The following SPECC1 variants were observed in gnomAD, a reference collection of about 807,000 sequenced individuals.
SPECC1 encodes the protein cytospin-B.
In SPECC1, 62 loss-of-function variants were observed where a neutral mutation model predicts 104.1. That is an observed-to-expected ratio of 0.60 (90% CI 0.49 to 0.74). The LOEUF (loss-of-function observed/expected upper bound fraction) is 0.74, where lower values mean the gene tolerates loss of function less well. Ranked by LOEUF, SPECC1 falls within the 30% of genes least tolerant of loss-of-function variation. SPECC1 has a pLI of 0.00. For synonymous variants in SPECC1, 513 were observed against 501.6 expected (o/e 1.02, Z -0.30); for missense variants, 1,306 against 1,310.5 (o/e 1.00, Z 0.05).
chr17:20,135,548 C>A (rs1238526020), intron 3 of SPECC1, among the ~76,000 whole-genome samples: 1 of 152,084 alleles, frequency 6.6e-6, no homozygotes, highest in Non-Finnish European at 1.5e-5. Flanking sequence ...ACCTCCTGGT[C>A]CCAAGTGATC....
intron 7 of SPECC1, chr17:20,239,458 A>T (rs1385119680): frequency 2.3e-5 from 5 of 218,188 alleles, no homozygotes; most frequent in Non-Finnish European, 4.0e-5. Flanking sequence ...TTATCATATC[A>T]TAGGCATCCT....
intron 3 of SPECC1, among the ~76,000 whole-genome samples, chr17:20,142,147 C>A (rs922872068): frequency 6.6e-6 from 1 of 152,098 alleles, no homozygotes; most frequent in African/African-American, 2.4e-5. Context: ...CAGCATAGTG[C>A]GTGTAAAGTC....
At chr17:20,292,602 C>G (rs1309830230) in intron 12 of SPECC1, among the ~76,000 whole-genome samples, 4 of 152,134 alleles carry the variant, frequency 2.6e-5, no homozygotes, top group South Asian at 2.1e-4. Flanking sequence ...ACCTACAAAC[C>G]TCTTCAGAAA....
chr17:20,265,589 T>C (rs1205812431), intron 12 of SPECC1, among the ~76,000 whole-genome samples: 2 of 152,184 alleles, frequency 1.3e-5, no homozygotes, highest in Admixed American at 1.3e-4. Flanking sequence ...AGGAACTCTT[T>C]AGTTTAGTTA....
At chr17:20,126,368 T>G (rs1348802966) in intron 3 of SPECC1, 1 of 152,192 alleles carries the variant, frequency 6.6e-6, no homozygotes, top group African/African-American at 2.4e-5. Flanking sequence ...CTTTATTCAT[T>G]GTACTTTGTT....
chr17:20,302,588 A>C (rs74255390), intron 13 of SPECC1, among the ~76,000 whole-genome samples: 1 of 151,612 alleles, frequency 6.6e-6, no homozygotes, highest in Non-Finnish European at 1.5e-5. Flanking sequence ...TCTGTATTCT[A>C]TGTCACCCTG....
intron 13 of SPECC1, among the ~76,000 whole-genome samples, chr17:20,302,080 C>T (rs1452967352): frequency 1.3e-5 from 2 of 152,228 alleles, no homozygotes; most frequent in Admixed American, 6.5e-5. Flanking sequence ...CTGCTTAGTC[C>T]AGACGGACTC....
rs970534287 is a variant in SPECC1 at position 20,154,562 on chromosome 17, G to A, written c.283+44000G>A. On this transcript the variant is annotated intron_variant, in intron 3 of 14. Transcript: ENST00000395527. ...TGAGTTCACTGATGGGGGAAGAGGA[G>A]GATTATTCAGGGCCTTGGAGGCCAT... 4.0e-4 allele frequency among the ~76,000 whole-genome samples: 61 copies of A among 152,164 alleles called. 1 individual carries two copies. The highest frequency in any genetic ancestry group is 1.5e-5 in the Non-Finnish European group (1 of 68,028).
In SPECC1 at chr17:20,155,984, G is replaced by A; in HGVS notation, c.283+45422G>A. Reference sequence around the variant, plus strand: ...ATGAAGGGGGCGGGCCGCGAGGGCGGGCTTGATGCAGATGAGGGGGCGGGG... The same window carrying A: ...ATGAAGGGGGCGGGCCGCGAGGGCGAGCTTGATGCAGATGAGGGGGCGGGG... On this transcript the variant is annotated intron_variant, in intron 3 of 14. Transcript: ENST00000395527. The A allele has an allele frequency of 1.6e-6, 2 of 1,271,886 alleles. 1 individual carries two copies. The allele number at this position is 1,271,886 out of a possible 1,614,324, so 78.8% of individuals were successfully genotyped here.
At chr17:20,173,758 CAA>C (rs2034262740) in intron 3 of SPECC1, among the ~76,000 whole-genome samples, 1 of 152,200 alleles carries the variant, frequency 6.6e-6, no homozygotes, top group Non-Finnish European at 1.5e-5. Flanking sequence ...CCACAGGACA[CAA>C]ATTGGCAAAA....
intron 9 of SPECC1, among the ~76,000 whole-genome samples, chr17:20,253,017 C>T (rs1323484002): frequency 6.6e-6 from 1 of 151,474 alleles, no homozygotes; most frequent in East Asian, 1.9e-4. Flanking sequence ...TCTCTACCTC[C>T]TCACCAATAC....
chr17:20,184,067 G>C (rs2035093457), intron 3 of SPECC1, among the ~76,000 whole-genome samples: 1 of 151,062 alleles, frequency 6.6e-6, no homozygotes, highest in South Asian at 2.1e-4. Flanking sequence ...TATCGTCCCA[G>C]CTACTCGGGA....
rs2033222466 is a variant in SPECC1, at chr17:20,162,195, G to T, written c.284-42138G>T. Among the ~76,000 whole-genome samples the T allele has an allele frequency of 2.6e-5, 4 of 151,978 alleles. No individual in the cohort carries two copies. The South Asian group carries it at 6.3e-4, about 24-fold the overall frequency. On this transcript the variant is annotated intron_variant, in intron 3 of 14. Coordinates refer to ENST00000395527, the MANE Select transcript of SPECC1 (RefSeq NM_001243439.2). ...GAGTCTCGCTCTGTCGTCCAGGCTG[G>T]AGTGCAGTGGCACGATCTCGCCTCA...
At chr17:20,150,995 T>A (rs762223726) in intron 3 of SPECC1, among the ~76,000 whole-genome samples, 16 of 152,208 alleles carry the variant, frequency 1.1e-4, no homozygotes, top group African/African-American at 4.8e-5. Context: ...GATCTTTATA[T>A]TCAGTGAAGT....
chr17:20,114,988 A>T lies in SPECC1; in HGVS notation c.283+4426A>T, dbSNP rs189908465. 6.7e-3 allele frequency among the ~76,000 whole-genome samples: 1,015 copies of T among 152,346 alleles called. 9 individuals are homozygous for T. The highest frequency in any genetic ancestry group is 0.023 in the African/African-American group (959 of 41,570). On this transcript the variant is annotated intron_variant, in intron 3 of 14. Transcript: ENST00000395527. ...ACTTTGTACTATATTTTCAGGAATT[A>T]TAGAATGTGTTATTCACTCACTTAA...
intron 13 of SPECC1, among the ~76,000 whole-genome samples, chr17:20,301,256 C>G (rs936263831): frequency 5.9e-5 from 9 of 152,066 alleles, no homozygotes; most frequent in Admixed American, 2.0e-4. Flanking sequence ...GGGGAAAGAG[C>G]AGGAAAGATT....
intron 13 of SPECC1, among the ~76,000 whole-genome samples, chr17:20,298,976 TA>T (rs369202957): frequency 0.41 from 30,652 of 74,526 alleles, 7,831 homozygotes; most frequent in East Asian, 0.83. Flanking sequence ...TGTGTGTATG[TA>T]GAGAGAGAGA....
chr17:20,112,690 G>T, intron 3 of SPECC1: 1 of 1,107,144 alleles, frequency 9.0e-7, no homozygotes, highest in Non-Finnish European at 1.4e-6. Context: ...GAGCATCCCT[G>T]AAACTGTGTA....
At chr17:20,148,780 C>T (rs908300996) in intron 3 of SPECC1, among the ~76,000 whole-genome samples, 10 of 152,064 alleles carry the variant, frequency 6.6e-5, no homozygotes, top group Middle Eastern at 3.4e-3. Flanking sequence ...AGTGCAGTGG[C>T]GCGTTCTCGG....
Sources: gnomAD v4.1 joint callset for allele counts (sites outside exome capture counted in the v4.1 genomes callset) on GRCh38, gnomAD v4.1.1 for gene constraint, MANE v1.5 for transcripts, NCBI Gene and HGNC (gene_info 2026-07-23, HGNC 2026-07-21) for gene names.